Variants in PTGER4 observed in about 807,000 individuals in gnomAD.
PTGER4 encodes the protein prostaglandin E2 receptor EP4 subtype.
A neutral mutation model predicts 33.2 loss-of-function variants in PTGER4; 11 were observed. The ratio of observed to expected loss-of-function variants is 0.33; its 90% CI spans 0.21 to 0.55. PTGER4 has a LOEUF of 0.55. Ranked by LOEUF, PTGER4 falls within the 20% of genes least tolerant of loss-of-function variation. The pLI, the probability that PTGER4 is intolerant of heterozygous loss-of-function variation, is 0.92. For missense variants in PTGER4, 481 were observed against 650.2 expected (o/e 0.74, Z 2.83); for synonymous variants, 275 against 281.5 (o/e 0.98, Z 0.23).
chr5:40,745,155 A>G, the PTGER4 span, among the ~76,000 whole-genome samples: 1 of 152,228 alleles, frequency 6.6e-6, no homozygotes, highest in Non-Finnish European at 1.5e-5. Context: ...AAGAGACATA[A>G]TAACCAAATA....
chr5:40,681,007 G>C lies in PTGER4; in HGVS notation c.14G>C (p.Gly5Ala), dbSNP rs1208758328. The change falls in exon 2 of 3, where the codon GGG becomes GCG. Residue 5 changes from glycine (G) to alanine (A), a missense_variant. Gly to Ala is a moderately conservative substitution (Grantham distance 60). Coordinates refer to ENST00000302472, the MANE Select transcript of PTGER4 (RefSeq NM_000958.3). This position sits in a 1 kb window ranked among gnomAD's most constrained non-coding sequence, Gnocchi z 9.8. ...CCAGCCACTATCATGTCCACTCCCG[G>C]GGTCAATTCGTCCGCCTCCTTGAGC... MSTP[G>A]VNSSASLSPD... The C allele has an allele frequency of 2.5e-6, 4 of 1,612,322 alleles. No individual in the cohort carries two copies. The highest frequency in any genetic ancestry group is 2.7e-5 in the African/African-American group (2 of 74,902).
chr5:40,697,583 C>CAAAA (rs768811169), downstream of PTGER4, among the ~76,000 whole-genome samples: 5 of 94,748 alleles, frequency 5.3e-5, no homozygotes, highest in Admixed American at 1.1e-4. Context: ...AATTCCATCT[C>CAAAA]AAAAAAAAAA....
At chr5:40,705,684 T>A in the PTGER4 span, among the ~76,000 whole-genome samples, 1 of 152,132 alleles carries the variant, frequency 6.6e-6, no homozygotes, top group South Asian at 2.1e-4. Flanking sequence ...CAGACACTTT[T>A]CAAAAGAAGA....
rs1359048734 is a variant in PTGER4, at chr5:40,691,940, G to A, written c.1029G>A (p.Lys343=). ...CAGTGCTCAGTAAAGCAATAGAGAAGATCAAATGCCTCTTCTGCCGCATTG... is the reference window on the plus strand; with the variant it reads ...CAGTGCTCAGTAAAGCAATAGAGAAAATCAAATGCCTCTTCTGCCGCATTG... ...RKTVLSKAIE[K]IKCLFCRIGG... The change falls in exon 3 of 3, where the codon AAG becomes AAA. Residue 343 remains lysine (K), a synonymous_variant. Transcript: ENST00000302472. The surrounding 1 kb of genome is among the most constrained non-coding windows in gnomAD (Gnocchi z 4.2). The A allele has an allele frequency of 1.2e-6, 2 of 1,614,144 alleles. No homozygotes were observed. The highest frequency in any genetic ancestry group is 1.7e-6 in the Non-Finnish European group (2 of 1,180,052).
the PTGER4 span, among the ~76,000 whole-genome samples, chr5:40,735,357 T>TAAATGAGATATTTAATTTAGGTATG: frequency 6.6e-6 from 1 of 152,036 alleles, no homozygotes; most frequent in Non-Finnish European, 1.5e-5. Context: ...GAGATAACCC[T>TAAATGAGATATTTAATTTAGGTATG]AGATAAGGAT....
At chr5:40,706,802 A>G in the PTGER4 span, among the ~76,000 whole-genome samples, 6 of 152,160 alleles carry the variant, frequency 3.9e-5, no homozygotes, top group Non-Finnish European at 7.4e-5. Context: ...ACCCACAAAG[A>G]AAAGCCTATC....
At position 40,691,731 on chromosome 5, in the gene PTGER4, C is replaced by G; in HGVS notation, c.868-48C>G. 1 of 1,564,046 alleles carries G rather than the reference C, an allele frequency of 6.4e-7. No homozygotes were observed. The highest frequency in any genetic ancestry group is 8.6e-7 in the Non-Finnish European group (1 of 1,156,270). On this transcript the variant is annotated intron_variant, in intron 2 of 2. Coordinates refer to ENST00000302472, the MANE Select transcript of PTGER4 (RefSeq NM_000958.3). This position sits in a 1 kb window ranked among gnomAD's most constrained non-coding sequence, Gnocchi z 4.2. ...GGTAGACATAGCATTTATATGTTTT[C>G]CCAATTGATTAATGATGAAATCTAA...
At chr5:40,687,139 G>A (rs1028319132) in intron 2 of PTGER4, among the ~76,000 whole-genome samples, 2 of 152,054 alleles carry the variant, frequency 1.3e-5, no homozygotes, top group African/African-American at 4.8e-5. Context: ...TCCACCTCCC[G>A]GGTTCAAGTG....
At position 40,680,878 on chromosome 5, in the gene PTGER4, G is replaced by C. The variant is rs1050152059; in HGVS notation, c.-43-73G>C. The C allele has an allele frequency of 1.1e-5, 14 of 1,304,372 alleles. No individual in the cohort carries two copies. The highest frequency in any genetic ancestry group is 6.8e-5 in the Admixed American group (3 of 43,890). The allele number at this position is 1,304,372 out of a possible 1,614,324, so 80.8% of individuals were successfully genotyped here. A position where few individuals can be genotyped will look rare whatever the true frequency, so the allele number is the denominator to read the frequency against. ...TTGTCTTATCAGTGTATCGTTTCTC[G>C]GGCGCGGGTCTAACACCTTACAAGT... is the stretch of plus-strand genomic sequence containing the variant. On this transcript the variant is annotated intron_variant, in intron 1 of 2. Coordinates refer to ENST00000302472, the MANE Select transcript of PTGER4 (RefSeq NM_000958.3). The surrounding 1 kb of genome is among the most constrained non-coding windows in gnomAD (Gnocchi z 5.5).
In PTGER4 at chr5:40,692,102, A is replaced by G. The variant is rs1282842373; in HGVS notation, c.1191A>G (p.Pro397=). 1.2e-6 allele frequency: 2 copies of G among 1,614,060 alleles called. No individual in the cohort carries two copies. Among genetic ancestry groups the G allele is most frequent in the Non-Finnish European group, 1.7e-6 (2 of 1,180,042 alleles). Residue 397 remains proline (P), a synonymous_variant, in exon 3 of 3, where the codon CCA becomes CCG. Transcript: ENST00000302472. ...GCAGTACATCTCAGACCCTCCTGCCAGACCTCTCACTGCCAGACCTCAGTG... is the reference window on the plus strand; with the variant it reads ...GCAGTACATCTCAGACCCTCCTGCCGGACCTCTCACTGCCAGACCTCAGTG... ...EISSTSQTLL[P]DLSLPDLSEN... is the part of the protein sequence containing the mutation.
the PTGER4 span, among the ~76,000 whole-genome samples, chr5:40,724,097 C>A: frequency 6.6e-6 from 1 of 152,160 alleles, no homozygotes; most frequent in Non-Finnish European, 1.5e-5. Flanking sequence ...CAGCACTATT[C>A]ACGATAGCCA....
At chr5:40,685,312 C>A in intron 2 of PTGER4, 1 of 763,998 alleles carries the variant, frequency 1.3e-6, no homozygotes, top group Non-Finnish European at 1.6e-6. Context: ...CTCTATAAAG[C>A]TTTCACCAGC....
intron 2 of PTGER4, among the ~76,000 whole-genome samples, chr5:40,687,027 GTTTT>G (rs965628647): frequency 1.3e-5 from 2 of 151,944 alleles, no homozygotes; most frequent in African/African-American, 4.8e-5. Flanking sequence ...TATTCAGTGA[GTTTT>G]TTTGTTTTTG....
the PTGER4 span, among the ~76,000 whole-genome samples, chr5:40,725,260 T>G: frequency 6.6e-6 from 1 of 152,002 alleles, no homozygotes; most frequent in Non-Finnish European, 1.5e-5. Context: ...GTGCTGAGAT[T>G]ATACGCGTGA....
At chr5:40,737,530 GAATT>G in the PTGER4 span, among the ~76,000 whole-genome samples, 2 of 151,970 alleles carry the variant, frequency 1.3e-5, no homozygotes, top group Non-Finnish European at 2.9e-5. Flanking sequence ...AACGAATATA[GAATT>G]ATTTTACATT....
the PTGER4 span, among the ~76,000 whole-genome samples, chr5:40,731,668 C>A: frequency 1.3e-5 from 2 of 152,208 alleles, no homozygotes; most frequent in Non-Finnish European, 2.9e-5. Flanking sequence ...ATTATCTCCA[C>A]CTGGTCCCAT....
the PTGER4 span, among the ~76,000 whole-genome samples, chr5:40,701,141 A>ACTGCACCAGTT: frequency 6.6e-6 from 1 of 152,204 alleles, no homozygotes; most frequent in Non-Finnish European, 1.5e-5. Flanking sequence ...CCTCCAAACG[A>ACTGCACCAGTT]CTGCACCAGT....
At chr5:40,715,053 T>C in the PTGER4 span, 3 of 152,120 alleles carry the variant, frequency 2.0e-5, no homozygotes, top group African/African-American at 7.2e-5. Flanking sequence ...TTCATACTCA[T>C]GAGATTGTAC....
the PTGER4 span, among the ~76,000 whole-genome samples, chr5:40,724,818 T>A: frequency 1.3e-5 from 2 of 151,750 alleles, no homozygotes; most frequent in African/African-American, 4.8e-5. Context: ...AAACAATGTC[T>A]ACAGTAATTA....
Sources: gnomAD v4.1 joint callset for allele counts (sites outside exome capture counted in the v4.1 genomes callset) on GRCh38, gnomAD v4.1.1 for gene constraint, Gnocchi (gnomAD v3.1) non-coding constraint, MANE v1.5 for transcripts, NCBI Gene and HGNC (gene_info 2026-07-23, HGNC 2026-07-21) for gene names.